ELFN1: variants seen among roughly 807,000 people sequenced by gnomAD.
The protein encoded by ELFN1 is extracellular leucine rich repeat and fibronectin type III domain containing 1, also known as protein ELFN1.
Under a neutral mutation model 7.6 loss-of-function variants are expected in ELFN1, and 6 were observed. That is an observed-to-expected ratio of 0.79 (90% CI 0.43 to 1.56). The LOEUF (loss-of-function observed/expected upper bound fraction) is 1.56. Ranked by LOEUF, ELFN1 falls within the 40% of genes most tolerant of loss-of-function variation. The pLI is 0.01. For synonymous variants in ELFN1, 657 were observed against 588.1 expected, an observed-to-expected ratio of 1.12 and a Z score of -1.70; for missense variants, 1,169 against 1,232.2, an observed-to-expected ratio of 0.95 and a Z score of 0.77.
chr7:1,673,106 T>A lies in ELFN1; in HGVS notation c.-549+2752T>A, dbSNP rs1327294851. Among the ~76,000 whole-genome samples the A allele has an allele frequency of 6.6e-6, 1 of 151,720 alleles. No homozygotes were observed. The highest frequency in any genetic ancestry group is 1.5e-5 in the Non-Finnish European group (1 of 67,916). On this transcript the variant is annotated intron_variant, in intron 1 of 3. Transcript: ENST00000424383. The surrounding 1 kb of genome is among the most constrained non-coding windows in gnomAD (Gnocchi z 4.7). Reference sequence around the variant, plus strand: ...CAGCGCCCCCCCCCGCTCTTTCCTTTTTGTTTTTGTTGTGGATTTGGTTTC... The same window carrying A: ...CAGCGCCCCCCCCCGCTCTTTCCTTATTGTTTTTGTTGTGGATTTGGTTTC...
At position 1,740,563 on chromosome 7, in the gene ELFN1, A is replaced by G. The variant is rs376443337; in HGVS notation, c.-293-3741A>G. On this transcript the variant is annotated intron_variant, in intron 3 of 3. Transcript: ENST00000424383. The surrounding 1 kb of genome is among the most constrained non-coding windows in gnomAD (Gnocchi z 5.0). Reference sequence around the variant, plus strand: ...CTTGAGTGAGCGAGCCCAGCTGGAAAGGGCTTTGGGGGGGCCTGTGGTCTG... The same window carrying G: ...CTTGAGTGAGCGAGCCCAGCTGGAAGGGGCTTTGGGGGGGCCTGTGGTCTG... Among the ~76,000 whole-genome samples, 8 of 152,278 alleles carry G rather than the reference A, an allele frequency of 5.3e-5. No homozygotes were observed. Among genetic ancestry groups the G allele is most frequent in the African/African-American group, 1.7e-4 (7 of 41,552 alleles).
intron 1 of ELFN1, among the ~76,000 whole-genome samples, chr7:1,683,569 A>G (rs141277978): frequency 0.014 from 2,080 of 152,280 alleles, 20 homozygotes; most frequent in Non-Finnish European, 0.021. Flanking sequence ...GTTGGCGGTA[A>G]TATTCAAGTC....
chr7:1,698,191 A>G (rs972980577), intron 2 of ELFN1, among the ~76,000 whole-genome samples: 3 of 152,246 alleles, frequency 2.0e-5, no homozygotes, highest in Admixed American at 2.0e-4. Context: ...AGGGAACCTC[A>G]GCCTTCATTT....
upstream of ELFN1, among the ~76,000 whole-genome samples, chr7:1,668,777 G>A (rs956779350): frequency 3.3e-5 from 5 of 152,380 alleles, no homozygotes; most frequent in Middle Eastern, 3.4e-3. Context: ...GCCTGGCTCT[G>A]ACCGTGGTCC....
At chr7:1,721,266 A>G (rs1244610780) in intron 3 of ELFN1, among the ~76,000 whole-genome samples, 1 of 152,200 alleles carries the variant, frequency 6.6e-6, no homozygotes, top group Non-Finnish European at 1.5e-5. Flanking sequence ...TGATGTTTTC[A>G]GGGAGCTACA....
chr7:1,674,664 C>G (rs1007170675), intron 1 of ELFN1, among the ~76,000 whole-genome samples: 4 of 152,148 alleles, frequency 2.6e-5, no homozygotes, highest in Non-Finnish European at 5.9e-5. Context: ...GCCCTAATGT[C>G]TTCCTCTGCC....
In ELFN1 at chr7:1,745,186, A is replaced by G; in HGVS notation, c.590A>G (p.Glu197Gly). 6.5e-7 allele frequency: 1 copy of G among 1,547,120 alleles called. No individual in the cohort carries two copies. The highest frequency in any genetic ancestry group is 8.7e-7 in the Non-Finnish European group (1 of 1,146,948). The change falls in exon 4 of 4, where the codon GAG (glutamate) becomes GGG (glycine). Residue 197 changes from glutamate (E) to glycine (G), a missense_variant. Glu to Gly is a moderately conservative substitution (Grantham distance 98). Coordinates refer to ENST00000424383, the MANE Select transcript of ELFN1 (RefSeq NM_001128636.4). ...LYSNPFYCSC[E>G]LLGFLRWLAA... ...AGCAACCCCTTCTACTGCTCCTGCG[A>G]GCTGCTGGGCTTCCTGCGCTGGCTG...
intron 2 of ELFN1, among the ~76,000 whole-genome samples, chr7:1,701,710 G>A (rs1429519429): frequency 6.6e-6 from 1 of 152,154 alleles, no homozygotes; most frequent in Non-Finnish European, 1.5e-5. Context: ...GCTGGGGTGG[G>A]AGGATCACCT....
At chr7:1,722,427 T>C (rs1780052822) in intron 3 of ELFN1, among the ~76,000 whole-genome samples, 1 of 152,012 alleles carries the variant, frequency 6.6e-6, no homozygotes, top group Non-Finnish European at 1.5e-5. Flanking sequence ...CCACCACGCC[T>C]GGCTAATTTT....
chr7:1,680,737 ATTTTTTT>A (rs967183963), intron 1 of ELFN1, among the ~76,000 whole-genome samples: 20 of 128,922 alleles, frequency 1.6e-4, no homozygotes, highest in Non-Finnish European at 2.1e-4. Flanking sequence ...TGGATTTACA[ATTTTTTT>A]TTTTTTTTTT....
At chr7:1,676,302 G>C (rs540737697) in intron 1 of ELFN1, among the ~76,000 whole-genome samples, 2 of 152,296 alleles carry the variant, frequency 1.3e-5, no homozygotes, top group South Asian at 4.1e-4. Flanking sequence ...GGAAGGGCCC[G>C]GCCTCTGCCC....
At chr7:1,687,629 T>G (rs1159352975) in intron 1 of ELFN1, among the ~76,000 whole-genome samples, 1 of 152,106 alleles carries the variant, frequency 6.6e-6, no homozygotes, top group African/African-American at 2.4e-5. Flanking sequence ...ATAAAAGGGG[T>G]AAGATCAACT....
intron 1 of ELFN1, among the ~76,000 whole-genome samples, chr7:1,687,183 T>C (rs558886908): frequency 6.6e-6 from 1 of 152,320 alleles, no homozygotes; most frequent in African/African-American, 2.4e-5. Context: ...ATTCCCCCTG[T>C]CTTAGCCTAA....
chr7:1,745,495 C>A lies in ELFN1; in HGVS notation c.899C>A (p.Thr300Asn). 3 of 1,544,022 alleles carry A rather than the reference C, an allele frequency of 1.9e-6. No homozygotes were observed. The highest frequency in any genetic ancestry group is 2.6e-6 in the Non-Finnish European group (3 of 1,146,782). The change falls in exon 4 of 4, where the codon ACC (threonine) becomes AAC (asparagine). Residue 300 changes from threonine to asparagine, a missense_variant. Thr to Asn is a moderately conservative substitution (Grantham distance 65). Transcript: ENST00000424383. ...ADDECFSGDG[T>N]TPLVALPTLA... ...GATGAGTGCTTCTCCGGGGACGGCA[C>A]CACGCCACTGGTGGCCCTGCCCACG...
upstream of ELFN1, among the ~76,000 whole-genome samples, chr7:1,666,659 C>A (rs1778675320): frequency 1.3e-5 from 2 of 151,244 alleles, no homozygotes; most frequent in Non-Finnish European, 3.0e-5. The surrounding 1 kb of genome is among the most constrained non-coding windows in gnomAD (Gnocchi z 7.9). Flanking sequence ...GCTGGGCGCG[C>A]CTTCGAGTGC....
At chr7:1,722,772 A>T (rs1316086896) in intron 3 of ELFN1, among the ~76,000 whole-genome samples, 1 of 152,224 alleles carries the variant, frequency 6.6e-6, no homozygotes, top group African/African-American at 2.4e-5. Context: ...TTTTAAAGTT[A>T]TAAAATATTT....
At chr7:1,696,538 C>T (rs1333598283) in intron 2 of ELFN1, among the ~76,000 whole-genome samples, 1 of 152,042 alleles carries the variant, frequency 6.6e-6, no homozygotes, top group African/African-American at 2.4e-5. Context: ...ACCACAGGTG[C>T]GTGCCACCAC....
At chr7:1,708,763 C>A (rs1181510642) in intron 2 of ELFN1, among the ~76,000 whole-genome samples, 2 of 152,264 alleles carry the variant, frequency 1.3e-5, no homozygotes, top group East Asian at 3.9e-4. Flanking sequence ...ACACCTGGGC[C>A]ACCGCCAAGT....
At chr7:1,678,597 C>T (rs1269117179) in intron 1 of ELFN1, among the ~76,000 whole-genome samples, 1 of 152,218 alleles carries the variant, frequency 6.6e-6, no homozygotes, top group Non-Finnish European at 1.5e-5. Flanking sequence ...GGTCTGTAAA[C>T]AGCCTCAGCA....
Sources: allele counts gnomAD v4.1 joint callset (sites outside exome capture counted in the v4.1 genomes callset), GRCh38; gene constraint gnomAD v4.1.1; non-coding constraint Gnocchi (gnomAD v3.1); transcripts MANE v1.5; gene names NCBI Gene and HGNC (gene_info 2026-07-23, HGNC 2026-07-21).